Variants in OPRM1 observed in about 807,000 individuals in gnomAD.
OPRM1 encodes the protein opioid receptor mu 1.
A neutral mutation model predicts 31.8 loss-of-function variants in OPRM1; 27 were observed. That is an observed-to-expected ratio of 0.85 (90% confidence interval 0.63 to 1.17). The LOEUF (loss-of-function observed/expected upper bound fraction) is 1.17. Ranked by LOEUF, OPRM1 falls within the 50% of genes most tolerant of loss-of-function variation. OPRM1 has a pLI of 0.00. For missense variants in OPRM1, 536 were observed against 511.1 expected, an observed-to-expected ratio of 1.05 and a Z score of -0.47; for synonymous variants, 196 against 189.9, an observed-to-expected ratio of 1.03 and a Z score of -0.26.
chr6:154,039,206 G>A, upstream of OPRM1: 4 of 1,551,610 alleles, frequency 2.6e-6, no homozygotes, highest in Non-Finnish European at 3.5e-6. Context: ...CTACTCCTTG[G>A]ATCGCTTTGC....
chr6:154,222,422 G>C (rs1778938697), intron 3 of OPRM1, among the ~76,000 whole-genome samples: 1 of 152,216 alleles, frequency 6.6e-6, no homozygotes, highest in South Asian at 2.1e-4. Context: ...GGACAAAAAG[G>C]AAGGCCCCTT....
At chr6:154,072,632 T>G (rs1787033884) in intron 1 of OPRM1, among the ~76,000 whole-genome samples, 1 of 152,238 alleles carries the variant, frequency 6.6e-6, no homozygotes. Context: ...TGGACAGTCA[T>G]ACATTAGTTT....
intron 1 of OPRM1, among the ~76,000 whole-genome samples, chr6:154,075,867 G>A (rs1787791604): frequency 6.6e-6 from 1 of 152,148 alleles, no homozygotes; most frequent in South Asian, 2.1e-4. Flanking sequence ...TACAAGTTGA[G>A]GGAAGGGAGC....
At chr6:154,098,211 G>A (rs1327821831) in intron 3 of OPRM1, among the ~76,000 whole-genome samples, 1 of 152,146 alleles carries the variant, frequency 6.6e-6, no homozygotes, top group Non-Finnish European at 1.5e-5. Flanking sequence ...TCTCAGCATG[G>A]TCTCAGACCT....
chr6:154,088,230 A>G (rs1791133428), intron 1 of OPRM1, among the ~76,000 whole-genome samples: 1 of 152,356 alleles, frequency 6.6e-6, no homozygotes, highest in African/African-American at 2.4e-5. Flanking sequence ...TACATACTGA[A>G]TGATTCTATT....
At chr6:154,214,146 TTGTTTTTTCACCCTGTTTCAACC>T (rs1438049730) in intron 3 of OPRM1, 87 of 982,448 alleles carry the variant, frequency 8.9e-5, no homozygotes, top group Non-Finnish European at 1.4e-4. Context: ...GAACTTGACA[TTGTTTTTTCACCCTGTTTCAACC>T]TGTTCTAATA....
intron 3 of OPRM1, among the ~76,000 whole-genome samples, chr6:154,111,915 G>C (rs1343496138): frequency 6.6e-6 from 1 of 152,028 alleles, no homozygotes; most frequent in African/African-American, 2.4e-5. Context: ...ACAGGCACCT[G>C]CCACCACGCC....
intron 1 of OPRM1, among the ~76,000 whole-genome samples, chr6:154,067,559 T>C (rs1785710717): frequency 6.6e-6 from 1 of 152,080 alleles, no homozygotes; most frequent in East Asian, 1.9e-4. Flanking sequence ...TATTAAGATT[T>C]AATTTGTGGT....
intron 3 of OPRM1, among the ~76,000 whole-genome samples, chr6:154,231,403 T>A (rs1018478960): frequency 6.6e-6 from 1 of 152,214 alleles, no homozygotes; most frequent in Admixed American, 6.5e-5. Context: ...CTGGGATCTG[T>A]CCTAACTATA....
chr6:154,149,906 G>A (rs752332716), intron 3 of OPRM1, among the ~76,000 whole-genome samples: 2 of 152,014 alleles, frequency 1.3e-5, no homozygotes, highest in African/African-American at 2.4e-5. Context: ...CCCTCACAGC[G>A]TCTCCTACTG....
At chr6:154,186,262 T>C (rs1298610372) in intron 3 of OPRM1, among the ~76,000 whole-genome samples, 1 of 152,250 alleles carries the variant, frequency 6.6e-6, no homozygotes, top group Non-Finnish European at 1.5e-5. Context: ...AAGTGTTAGG[T>C]CTTTTCCATC....
At chr6:154,148,304 G>A (rs540459098) in intron 3 of OPRM1, among the ~76,000 whole-genome samples, 1 of 152,344 alleles carries the variant, frequency 6.6e-6, no homozygotes, top group African/African-American at 2.4e-5. Context: ...CCAGATGGAA[G>A]GGGTCCAAGC....
upstream of OPRM1, among the ~76,000 whole-genome samples, chr6:154,034,601 A>G (rs2128389616): frequency 1.3e-5 from 2 of 152,220 alleles, 1 homozygote; most frequent in East Asian, 3.9e-4. Context: ...GTTTTTATAG[A>G]GCTCTCAGTT....
In OPRM1 at chr6:154,039,315, C is replaced by G; in HGVS notation, c.-230C>G. On this transcript the variant is annotated 5_prime_UTR_variant, in exon 1 of 4. Coordinates refer to ENST00000330432, the MANE Select transcript of OPRM1 (RefSeq NM_000914.5). ...CAGCGGTGCGGGGCAGGTGATGAGC[C>G]TCTGTGAACTACTAAGGTGGGAGGG... The G allele has an allele frequency of 2.6e-6, 4 of 1,550,694 alleles. No homozygotes were observed. The highest frequency in any genetic ancestry group is 3.5e-6 in the Non-Finnish European group (4 of 1,146,480).
At position 154,020,946 on chromosome 6, in the gene OPRM1, G is replaced by T. The variant is rs537789982; in HGVS notation, c.-1+9928G>T. The stretch of plus-strand genomic sequence containing the variant: ...ATTCTCTTGACAGTGCTTTCACAGA[G>T]TAAATGTTTTTAATTTAATGAAGTA... On this transcript the variant is annotated intron_variant, in intron 1 of 5. Transcript: ENST00000434900. 3.3e-5 allele frequency among the ~76,000 whole-genome samples: 5 copies of T among 152,308 alleles called. No homozygotes were observed. The East Asian group carries it at 9.6e-4, about 29-fold the overall frequency.
rs1797596958 is a variant in OPRM1, at chr6:154,126,549, T to C, written c.*7828T>C. On this transcript the variant is annotated 3_prime_UTR_variant, in exon 4 of 4. Transcript: ENST00000330432. ...TCCCTCAGGAGCTGGGTTTCTGGGTTGCAGAAGTGCTTTTCATATTCTGTA... is the reference window on the plus strand; with the variant it reads ...TCCCTCAGGAGCTGGGTTTCTGGGTCGCAGAAGTGCTTTTCATATTCTGTA... 6.6e-6 allele frequency among the ~76,000 whole-genome samples: 1 copy of C among 152,194 alleles called. No individual in the cohort carries two copies.
intron 3 of OPRM1, among the ~76,000 whole-genome samples, chr6:154,243,456 G>A (rs572977050): frequency 4.3e-4 from 66 of 152,302 alleles, no homozygotes; most frequent in African/African-American, 1.4e-3. Flanking sequence ...GCAACGTGTG[G>A]TGAAAGAAAA....
In OPRM1 at chr6:154,228,750, G is replaced by A. The variant is rs112743544; in HGVS notation, c.1165-17943G>A. 4.8e-3 allele frequency among the ~76,000 whole-genome samples: 724 copies of A among 152,308 alleles called. 3 individuals carry two copies. The highest frequency in any genetic ancestry group is 0.017 in the African/African-American group (686 of 41,568). ...AAACACTCTGCTCTTGGCCAGATGTGGTGGCTCATGCCTGTAATCTCAAGT... is the reference window on the plus strand; with the variant it reads ...AAACACTCTGCTCTTGGCCAGATGTAGTGGCTCATGCCTGTAATCTCAAGT... On this transcript the variant is annotated intron_variant, in intron 3 of 3. Coordinates refer to the OPRM1 transcript ENST00000337049.
downstream of OPRM1, among the ~76,000 whole-genome samples, chr6:154,132,841 G>A (rs533518120): frequency 6.6e-6 from 1 of 152,324 alleles, no homozygotes; most frequent in East Asian, 1.9e-4. Context: ...GAAAAAAACG[G>A]CTGGGCGTGG....
Sources: gnomAD v4.1 joint callset for allele counts (sites outside exome capture counted in the v4.1 genomes callset) on GRCh38, gnomAD v4.1.1 for gene constraint, MANE v1.5 for transcripts, NCBI Gene and HGNC (gene_info 2026-07-23, HGNC 2026-07-21) for gene names.